The following PRKCA variants were observed in gnomAD, a reference collection of about 807,000 sequenced individuals.
The protein encoded by PRKCA is protein kinase C alpha.
PRKCA carries 27 observed loss-of-function variants against 87.0 expected under a neutral mutation model. That is an observed-to-expected ratio of 0.31 (90% CI 0.23 to 0.43). The LOEUF is 0.43. Among genes scored for constraint, PRKCA ranks in the 20% least tolerant of loss-of-function variants. The pLI is 1.00. For missense variants in PRKCA, 518 were observed against 852.3 expected, an observed-to-expected ratio of 0.61 and a Z score of 4.88; for synonymous variants, 329 against 311.1, an observed-to-expected ratio of 1.06 and a Z score of -0.61.
At chr17:66,749,717 T>C (rs1275278877) in intron 13 of PRKCA, among the ~76,000 whole-genome samples, 1 of 152,170 alleles carries the variant, frequency 6.6e-6, no homozygotes, top group Non-Finnish European at 1.5e-5. Flanking sequence ...CGCTCCTGGA[T>C]GTGGCCACCT....
intron 8 of PRKCA, among the ~76,000 whole-genome samples, chr17:66,717,071 C>T (rs930083242): frequency 3.9e-5 from 6 of 152,150 alleles, no homozygotes; most frequent in Non-Finnish European, 8.8e-5. Context: ...TTCTAGTGCT[C>T]TTGAGATTCT....
intron 3 of PRKCA, among the ~76,000 whole-genome samples, chr17:66,565,667 G>A (rs1968868892): frequency 1.3e-5 from 2 of 152,034 alleles, no homozygotes; most frequent in Non-Finnish European, 1.5e-5. Context: ...GCATGTTGAA[G>A]TCTGGAGAAG....
At chr17:66,737,271 G>A (rs1177518415) in intron 10 of PRKCA, among the ~76,000 whole-genome samples, 1 of 152,142 alleles carries the variant, frequency 6.6e-6, no homozygotes, top group Non-Finnish European at 1.5e-5. Flanking sequence ...GCTGAGGCAG[G>A]AGAATGGCGT....
chr17:66,593,871 G>A (rs1316241495), intron 3 of PRKCA, among the ~76,000 whole-genome samples: 1 of 152,154 alleles, frequency 6.6e-6, no homozygotes, highest in Non-Finnish European at 1.5e-5. Flanking sequence ...ATCACCTGAG[G>A]TCAGGAGTTC....
intron 2 of PRKCA, among the ~76,000 whole-genome samples, chr17:66,419,225 C>A (rs1567819301): frequency 6.6e-6 from 1 of 152,170 alleles, no homozygotes; most frequent in Non-Finnish European, 1.5e-5. Flanking sequence ...ACACTGATGT[C>A]ACCTCTTTCT....
chr17:66,356,908 A>G (rs1908094695), intron 2 of PRKCA, among the ~76,000 whole-genome samples: 3 of 152,198 alleles, frequency 2.0e-5, no homozygotes, highest in South Asian at 2.1e-4. Flanking sequence ...CCACACCACC[A>G]TGCCCTGCTA....
intron 3 of PRKCA, among the ~76,000 whole-genome samples, chr17:66,508,365 G>A (rs1000304729): frequency 3.9e-5 from 6 of 152,224 alleles, no homozygotes; most frequent in Non-Finnish European, 8.8e-5. Context: ...TCATGGCCAC[G>A]AAGATAACAC....
intron 3 of PRKCA, among the ~76,000 whole-genome samples, chr17:66,578,215 G>A (rs1969303138): frequency 6.8e-6 from 1 of 147,110 alleles, no homozygotes. Context: ...TCCCAGGGTC[G>A]GGGCATCCAC....
At chr17:66,303,276 GGATCC>G (rs1904616998) in intron 1 of PRKCA, among the ~76,000 whole-genome samples, 1 of 151,918 alleles carries the variant, frequency 6.6e-6, no homozygotes. Flanking sequence ...GTGGCGAAGG[GGATCC>G]CTCTCCGGGC....
intron 14 of PRKCA, among the ~76,000 whole-genome samples, chr17:66,785,951 C>T (rs1017631767): frequency 6.6e-6 from 1 of 152,206 alleles, no homozygotes; most frequent in Admixed American, 6.5e-5. Flanking sequence ...GCCTCAGCCT[C>T]CCCAGTAGCT....
At chr17:66,664,321 G>A (rs1233515955) in intron 5 of PRKCA, among the ~76,000 whole-genome samples, 1 of 152,182 alleles carries the variant, frequency 6.6e-6, no homozygotes, top group African/African-American at 2.4e-5. Flanking sequence ...TGTGGCCTGG[G>A]CTGCCCTGCC....
intron 5 of PRKCA, among the ~76,000 whole-genome samples, chr17:66,673,807 C>G (rs922495864): frequency 6.6e-6 from 1 of 152,158 alleles, no homozygotes; most frequent in Admixed American, 6.5e-5. Flanking sequence ...ACTATTTAAC[C>G]AAGAGCAAAA....
chr17:66,359,895 C>G lies in PRKCA; in HGVS notation c.205+53768C>G, dbSNP rs902415562. Among the ~76,000 whole-genome samples the G allele has an allele frequency of 4.6e-5, 7 of 152,136 alleles. No homozygotes were observed. In the East Asian group the frequency reaches 1.3e-3, roughly 29 times the overall value. ...GGAGAACTGGATTAAGTAATTATTT[C>G]TTGTTGCCTCTGACTATTTAACCTC... is the stretch of plus-strand genomic sequence containing the variant. On this transcript the variant is annotated intron_variant, in intron 2 of 16. Transcript: ENST00000413366.
At chr17:66,471,558 C>T (rs1029074678) in intron 2 of PRKCA, among the ~76,000 whole-genome samples, 1 of 152,068 alleles carries the variant, frequency 6.6e-6, no homozygotes, top group South Asian at 2.1e-4. Flanking sequence ...TTGCAGCCCT[C>T]CATGATTTTA....
intron 2 of PRKCA, among the ~76,000 whole-genome samples, chr17:66,344,550 C>G (rs1477743552): frequency 3.3e-5 from 5 of 152,198 alleles, no homozygotes; most frequent in African/African-American, 1.2e-4. Context: ...TGTTATTAGC[C>G]TATCCCCATG....
At chr17:66,784,039 AT>A (rs932866624) in intron 14 of PRKCA, among the ~76,000 whole-genome samples, 1 of 152,168 alleles carries the variant, frequency 6.6e-6, no homozygotes, top group Non-Finnish European at 1.5e-5. Flanking sequence ...TCCCGTTTTC[AT>A]TTTGCACTGA....
At chr17:66,612,836 A>G (rs902895738) in intron 3 of PRKCA, among the ~76,000 whole-genome samples, 1 of 152,036 alleles carries the variant, frequency 6.6e-6, no homozygotes, top group Admixed American at 6.5e-5. Flanking sequence ...TTTCTCTTAC[A>G]AACAGTTGAA....
intron 3 of PRKCA, among the ~76,000 whole-genome samples, chr17:66,556,926 C>T (rs570863163): frequency 9.8e-4 from 149 of 152,224 alleles, no homozygotes; most frequent in African/African-American, 3.3e-3. Context: ...TGATACTCCC[C>T]GGGGAAGAAC....
intron 8 of PRKCA, among the ~76,000 whole-genome samples, chr17:66,712,237 C>T (rs1973349415): frequency 6.6e-6 from 1 of 152,116 alleles, no homozygotes; most frequent in African/African-American, 2.4e-5. Context: ...CAAGTAAACC[C>T]CTCTCATTGC....
Sources: allele counts gnomAD v4.1 joint callset (sites outside exome capture counted in the v4.1 genomes callset), GRCh38; gene constraint gnomAD v4.1.1; transcripts MANE v1.5; gene names NCBI Gene and HGNC (gene_info 2026-07-23, HGNC 2026-07-21).